The following GPHN variants were observed in gnomAD, a reference collection of about 807,000 sequenced individuals.
GPHN encodes the protein gephyrin.
GPHN carries 17 observed loss-of-function variants against 95.5 expected under a neutral mutation model. That is an observed-to-expected ratio of 0.18 (90% confidence interval 0.12 to 0.27). The LOEUF is 0.27. Ranked by LOEUF, GPHN falls within the 10% of genes least tolerant of loss-of-function variation. GPHN has a pLI of 1.00. For synonymous variants in GPHN, 320 were observed against 322.5 expected (o/e 0.99, Z 0.08); for missense variants, 660 against 978.1 (o/e 0.67, Z 4.34).
chr14:67,563,375 G>A, the GPHN span, among the ~76,000 whole-genome samples: 1 of 151,694 alleles, frequency 6.6e-6, no homozygotes, highest in African/African-American at 2.4e-5. Context: ...TTCACAGTAG[G>A]TGGTAGGTAA....
At chr14:67,322,218 T>C in the GPHN span, among the ~76,000 whole-genome samples, 1 of 152,076 alleles carries the variant, frequency 6.6e-6, no homozygotes, top group Non-Finnish European at 1.5e-5. Flanking sequence ...TGTGGTGGCA[T>C]GCACCTGTGG....
At chr14:67,000,714 A>G (rs2072155703) in intron 9 of GPHN, among the ~76,000 whole-genome samples, 1 of 151,672 alleles carries the variant, frequency 6.6e-6, no homozygotes, top group Non-Finnish European at 1.5e-5. Flanking sequence ...GAACTGGAGT[A>G]TATAAATTGT....
chr14:66,695,987 C>G (rs139341897), intron 2 of GPHN, among the ~76,000 whole-genome samples: 76 of 152,172 alleles, frequency 5.0e-4, no homozygotes, highest in African/African-American at 1.6e-3. Context: ...AAAATGAACC[C>G]TAATGTAAAC....
At chr14:66,895,524 A>C (rs2064794175) in intron 5 of GPHN, among the ~76,000 whole-genome samples, 1 of 152,180 alleles carries the variant, frequency 6.6e-6, no homozygotes, top group African/African-American at 2.4e-5. Flanking sequence ...AAATATGTTT[A>C]TTTTAAATAA....
the GPHN span, among the ~76,000 whole-genome samples, chr14:67,342,322 T>C: frequency 3.4e-4 from 52 of 152,052 alleles, 2 homozygotes; most frequent in South Asian, 0.011. Flanking sequence ...TCTAGTGTCT[T>C]TTCTATGCAT....
chr14:66,842,656 C>G (rs1285455405), intron 4 of GPHN: 6 of 1,530,900 alleles, frequency 3.9e-6, no homozygotes, highest in Non-Finnish European at 5.3e-6. Context: ...AATCCCTTTT[C>G]TCTTCTGTTT....
intron 18 of GPHN, among the ~76,000 whole-genome samples, chr14:67,150,455 A>AAAC (rs2081202747): frequency 7.7e-6 from 1 of 129,520 alleles, no homozygotes; most frequent in African/African-American, 2.8e-5. Flanking sequence ...AAAAAAAACA[A>AAAC]AAAAAAAAAA....
the GPHN span, among the ~76,000 whole-genome samples, chr14:67,476,101 C>G: frequency 1.3e-5 from 2 of 152,174 alleles, no homozygotes; most frequent in Non-Finnish European, 2.9e-5. Context: ...ACATCTCTGT[C>G]GATCCCCTCT....
chr14:67,556,625 C>T, the GPHN span, among the ~76,000 whole-genome samples: 1 of 152,160 alleles, frequency 6.6e-6, no homozygotes, highest in South Asian at 2.1e-4. Flanking sequence ...TGACGGTATG[C>T]ACCTATGGTC....
At chr14:67,358,869 A>G in the GPHN span, among the ~76,000 whole-genome samples, 1 of 152,244 alleles carries the variant, frequency 6.6e-6, no homozygotes, top group Non-Finnish European at 1.5e-5. Flanking sequence ...AAGGCAGCCC[A>G]CAACTGAGCG....
At chr14:66,702,583 T>C (rs1344659733) in intron 2 of GPHN, among the ~76,000 whole-genome samples, 1 of 151,610 alleles carries the variant, frequency 6.6e-6, no homozygotes, top group East Asian at 1.9e-4. Flanking sequence ...GAAAAACAAT[T>C]AAAGAGAAAA....
At chr14:67,355,013 T>C in the GPHN span, among the ~76,000 whole-genome samples, 2 of 152,202 alleles carry the variant, frequency 1.3e-5, no homozygotes, top group African/African-American at 4.8e-5. Flanking sequence ...GGTTTCTCCA[T>C]GTTGGTCAGG....
chr14:67,426,145 T>C, the GPHN span, among the ~76,000 whole-genome samples: 1 of 152,012 alleles, frequency 6.6e-6, no homozygotes, highest in Non-Finnish European at 1.5e-5. Flanking sequence ...GTATCTAACA[T>C]TTAAAATATT....
At chr14:67,689,142 A>G in the GPHN span, among the ~76,000 whole-genome samples, 4 of 152,210 alleles carry the variant, frequency 2.6e-5, no homozygotes, top group Non-Finnish European at 5.9e-5. Flanking sequence ...CCATCCAGTT[A>G]CCCTTATCTA....
chr14:67,259,601 G>A, the GPHN span, among the ~76,000 whole-genome samples: 1 of 151,970 alleles, frequency 6.6e-6, no homozygotes, highest in Admixed American at 6.6e-5. Flanking sequence ...AACAGAGCAA[G>A]ACTGTCTCTA....
At chr14:67,730,149 T>C in the GPHN span, among the ~76,000 whole-genome samples, 1 of 152,252 alleles carries the variant, frequency 6.6e-6, no homozygotes, top group South Asian at 2.1e-4. Context: ...ATCACAACCC[T>C]GCGAGGCAGG....
At chr14:66,976,581 A>T (rs1417077542) in intron 9 of GPHN, among the ~76,000 whole-genome samples, 2 of 152,172 alleles carry the variant, frequency 1.3e-5, no homozygotes, top group African/African-American at 2.4e-5. Context: ...AAATTTCAGG[A>T]TTATCTCCCT....
chr14:66,886,826 C>T (rs965738731), intron 5 of GPHN, among the ~76,000 whole-genome samples: 6 of 152,146 alleles, frequency 3.9e-5, no homozygotes, highest in Non-Finnish European at 8.8e-5. Context: ...AGAGCAAAGA[C>T]TCATGAACAC....
the GPHN span, among the ~76,000 whole-genome samples, chr14:67,204,310 A>G: frequency 6.6e-6 from 1 of 152,142 alleles, no homozygotes; most frequent in South Asian, 2.1e-4. Flanking sequence ...TTGGTGGTAC[A>G]TATCTGTTGT....
Sources: gnomAD v4.1 joint callset for allele counts (sites outside exome capture counted in the v4.1 genomes callset) on GRCh38, gnomAD v4.1.1 for gene constraint, MANE v1.5 for transcripts, NCBI Gene and HGNC (gene_info 2026-07-23, HGNC 2026-07-21) for gene names.